TRIM52: variants seen among roughly 807,000 people sequenced by gnomAD.
TRIM52 encodes the protein E3 ubiquitin-protein ligase TRIM52.
TRIM52 carries 24 observed loss-of-function variants against 27.0 expected under a neutral mutation model. The observed-to-expected ratio is 0.89, with a 90% CI of 0.64 to 1.25. The LOEUF is 1.25. TRIM52 is among the 50% of genes most tolerant of loss of function. The pLI, the probability that TRIM52 is intolerant of heterozygous loss-of-function variation, is 0.00. For synonymous variants in TRIM52, 125 were observed against 126.5 expected (o/e 0.99, Z 0.08); for missense variants, 351 against 354.7 (o/e 0.99, Z 0.08).
downstream of TRIM52, among the ~76,000 whole-genome samples, chr5:181,252,019 TAGG>T (rs1759644858): frequency 6.6e-6 from 1 of 152,358 alleles, no homozygotes; most frequent in African/African-American, 2.4e-5. Flanking sequence ...CCTTTTTTGA[TAGG>T]AGAAGGTAAT....
rs1167807996 is a variant in TRIM52 at position 181,256,632 on chromosome 5, T to TG, written c.*176dup. The stretch of plus-strand genomic sequence containing the variant: ...CACTCAGAATGCAAGGTTTCACAAG[T>TG]GTCTCCATTTTTTTCTCCTTTGCAA... On this transcript the variant is annotated 3_prime_UTR_variant, in exon 2 of 2. Coordinates refer to ENST00000688015, the MANE Select transcript of TRIM52 (RefSeq NM_001346048.2). 3 of 216,954 alleles carry TG rather than the reference T, an allele frequency of 1.4e-5. No individual in the cohort carries two copies. Among genetic ancestry groups the TG allele is most frequent in the Non-Finnish European group, 2.4e-5 (3 of 127,512 alleles). The allele number at this position is 216,954 out of a possible 1,614,324, so 13.4% of individuals were successfully genotyped here.
At chr5:181,252,916 C>G (rs1184983951), downstream of TRIM52, among the ~76,000 whole-genome samples, 1 of 152,120 alleles carries the variant, frequency 6.6e-6, no homozygotes, top group Non-Finnish European at 1.5e-5. Context: ...CTTGTTCTCC[C>G]AAATCCAAGT....
In TRIM52 at chr5:181,260,265, G is replaced by T. The variant is rs768879505; in HGVS notation, c.549C>A (p.Cys183Ter). 16 of 1,614,104 alleles carry T rather than the reference G, an allele frequency of 9.9e-6. No homozygotes were observed. The highest frequency in any genetic ancestry group is 1.3e-5 in the Non-Finnish European group (15 of 1,180,042). ...GTGTAAAGCTCTTTCGGCACTGGGG[G>T]CAGGTGAACTGCCCTGGAAGGGGCA... ...PSLPLPGQFT[C>*]PQCRKSFTRR... Residue 183 changes from cysteine (C) to a stop codon, truncating the protein, a stop_gained, in exon 1 of 2, where the codon TGC becomes TGA. Coordinates refer to ENST00000688015, the MANE Select transcript of TRIM52 (RefSeq NM_001346048.2). LOFTEE classifies it high-confidence loss of function. The surrounding 1 kb of genome is among the most constrained non-coding windows in gnomAD (Gnocchi z 4.4).
chr5:181,254,717 T>C (rs1759713467), downstream of TRIM52: 1 of 152,254 alleles, frequency 6.6e-6, no homozygotes, highest in South Asian at 2.1e-4. Context: ...CAGTCTAGGC[T>C]CAGTAGGATA....
chr5:181,251,381 C>T (rs1759630689), downstream of TRIM52, among the ~76,000 whole-genome samples: 1 of 152,074 alleles, frequency 6.6e-6, no homozygotes, highest in Non-Finnish European at 1.5e-5. Flanking sequence ...GATAAGCCTC[C>T]TTGTTCTTAA....
At chr5:181,251,535 G>A (rs1408628803), downstream of TRIM52, among the ~76,000 whole-genome samples, 1 of 152,104 alleles carries the variant, frequency 6.6e-6, no homozygotes, top group Non-Finnish European at 1.5e-5. Context: ...CCCTTCCTTT[G>A]GGGGAGGGAG....
chr5:181,259,271 C>T (rs139726752), intron 1 of TRIM52: 1 of 153,060 alleles, frequency 6.5e-6, no homozygotes, highest in East Asian at 1.9e-4. Context: ...AAAAGTGAAG[C>T]TCAAGGAGGT....
chr5:181,250,776 A>G (rs1759619377), downstream of TRIM52, among the ~76,000 whole-genome samples: 1 of 152,226 alleles, frequency 6.6e-6, no homozygotes, highest in South Asian at 2.1e-4. Flanking sequence ...CTCTGCTCAC[A>G]CTAAGGCTAA....
At chr5:181,249,152 CAAG>C (rs1322619335), downstream of TRIM52, among the ~76,000 whole-genome samples, 1 of 152,104 alleles carries the variant, frequency 6.6e-6, no homozygotes, top group Non-Finnish European at 1.5e-5. Flanking sequence ...AAACTAGAGA[CAAG>C]AAGAGTTAAG....
chr5:181,253,502 G>T (rs1409194128), downstream of TRIM52, among the ~76,000 whole-genome samples: 1 of 143,014 alleles, frequency 7.0e-6, no homozygotes, highest in Non-Finnish European at 1.5e-5. Flanking sequence ...CTCAACTGGG[G>T]ATGATTTTGC....
chr5:181,258,447 C>G (rs775399528), intron 1 of TRIM52: 1 of 152,126 alleles, frequency 6.6e-6, no homozygotes, highest in Non-Finnish European at 1.5e-5. Flanking sequence ...CTTCAGTATA[C>G]TAAAACCCAG....
At chr5:181,257,140 C>A in intron 1 of TRIM52, 1 of 1,104,050 alleles carries the variant, frequency 9.1e-7, no homozygotes, top group Non-Finnish European at 1.1e-6. Context: ...TAATGGTGCC[C>A]TTGGTCAAAT....
downstream of TRIM52, among the ~76,000 whole-genome samples, chr5:181,253,116 ACCT>A (rs1250073167): frequency 1.4e-5 from 2 of 139,632 alleles, no homozygotes; most frequent in Non-Finnish European, 3.0e-5. Context: ...GCTCACTGCA[ACCT>A]CCTCCTCCCA....
Position 181,255,291 on chromosome 5 carries a change from G to A in TRIM52, c.*1518C>T, listed in dbSNP as rs753789748. ...ACTCTTGCACTGCTTTCTCCCCAAA[G>A]CTAGATATATCAAAACATTAAAAAA... On this transcript the variant is annotated 3_prime_UTR_variant, in exon 2 of 2. Transcript: ENST00000688015. 11 of 152,178 alleles carry A rather than the reference G, an allele frequency of 7.2e-5. No individual in the cohort carries two copies. Among genetic ancestry groups the A allele is most frequent in the Non-Finnish European group, 1.6e-4 (11 of 68,040 alleles). The allele number at this position is 152,178 out of a possible 1,614,324, so 9.4% of individuals were successfully genotyped here.
chr5:181,259,037 C>CA (rs1266729265), intron 1 of TRIM52: 8 of 152,218 alleles, frequency 5.3e-5, no homozygotes, highest in African/African-American at 1.7e-4. Flanking sequence ...TGCTAGGAGT[C>CA]AAATCTACCT....
chr5:181,257,504 G>A, intron 1 of TRIM52: 2 of 1,603,574 alleles, frequency 1.2e-6, no homozygotes, highest in Non-Finnish European at 1.7e-6. Context: ...CCTATATTAT[G>A]AAAAATGAAG....
At position 181,260,063 on chromosome 5, in the gene TRIM52, C is replaced by A; in HGVS notation, c.751G>T (p.Glu251Ter). 1 of 1,614,230 alleles carries A rather than the reference C, an allele frequency of 6.2e-7. No individual in the cohort carries two copies. Among genetic ancestry groups the A allele is most frequent in the South Asian group, 1.1e-5 (1 of 91,090 alleles). Residue 251 changes from glutamate to a stop codon, truncating the protein, a stop_gained, in exon 1 of 2, where the codon GAA (glutamate) becomes TAA (stop). Coordinates refer to ENST00000688015, the MANE Select transcript of TRIM52 (RefSeq NM_001346048.2). LOFTEE classifies it high-confidence loss of function. The surrounding 1 kb of genome is among the most constrained non-coding windows in gnomAD (Gnocchi z 4.4). ...CTGTGCTGTTTGTGGCTCCTGGATT[C>A]TCGGCACACCACACAGATGGCCTCT... ...DKEAICVVCR[E>*]SRSHKQHSVL... is the part of the protein sequence containing the mutation.
rs1759756127 is a variant in TRIM52, at chr5:181,255,892, A to G, written c.*917T>C. On this transcript the variant is annotated 3_prime_UTR_variant, in exon 2 of 2. Transcript: ENST00000688015. ...CCAACCTTGGGGTTGTTCTGTCCACAAGTTCAGCAGAATCCGTTTTTCTTT... is the reference window on the plus strand; with the variant it reads ...CCAACCTTGGGGTTGTTCTGTCCACGAGTTCAGCAGAATCCGTTTTTCTTT... The G allele has an allele frequency of 6.6e-6, 1 of 152,214 alleles. No individual in the cohort carries two copies. Among genetic ancestry groups the G allele is most frequent in the Admixed American group, 6.5e-5 (1 of 15,284 alleles). The allele number at this position is 152,214 out of a possible 1,614,324, so 9.4% of individuals were successfully genotyped here. A position where few individuals can be genotyped will look rare whatever the true frequency, so the allele number is the denominator to read the frequency against.
At chr5:181,249,827 G>GTTTTTTTTTTTTTTTT (rs1237894738), downstream of TRIM52, among the ~76,000 whole-genome samples, 51 of 128,450 alleles carry the variant, frequency 4.0e-4, no homozygotes, top group African/African-American at 1.5e-3. Flanking sequence ...ATCACTTGCA[G>GTTTTTTTTTTTTTTTT]TTTTTTTTTT....
Sources: allele counts gnomAD v4.1 joint callset (sites outside exome capture counted in the v4.1 genomes callset), GRCh38; gene constraint gnomAD v4.1.1; non-coding constraint Gnocchi (gnomAD v3.1); transcripts MANE v1.5; gene names NCBI Gene and HGNC (gene_info 2026-07-23, HGNC 2026-07-21).